PRKD1: variants seen among roughly 807,000 people sequenced by gnomAD.
PRKD1 encodes the protein serine/threonine-protein kinase D1.
PRKD1 carries 63 observed loss-of-function variants against 95.9 expected under a neutral mutation model. That is an observed-to-expected ratio of 0.66 (90% CI 0.54 to 0.81). The LOEUF is 0.81. Among genes scored for constraint, PRKD1 ranks in the 30% least tolerant of loss-of-function variants. The pLI, the probability that PRKD1 is intolerant of heterozygous loss-of-function variation, is 0.00. For synonymous variants in PRKD1, 425 were observed against 423.1 expected (o/e 1.00, Z -0.05); for missense variants, 1,048 against 1,165.3 (o/e 0.90, Z 1.47).
intron 1 of PRKD1, among the ~76,000 whole-genome samples, chr14:29,901,182 T>C (rs1340012271): frequency 1.3e-5 from 2 of 152,194 alleles, no homozygotes; most frequent in African/African-American, 4.8e-5. Context: ...ATCATGTCCT[T>C]TGCAGCAACA....
rs757731395 is a variant in PRKD1 at position 29,576,841 on chromosome 14, GTT to G, written c.*395_*396del. On this transcript the variant is annotated 3_prime_UTR_variant, in exon 18 of 18. Coordinates refer to ENST00000331968, the MANE Select transcript of PRKD1 (RefSeq NM_002742.3). The stretch of plus-strand genomic sequence containing the variant: ...ACTGGAAATAATCGACTCTTCAAGA[GTT>G]TGTTTACAATGACAACACCAATGGG... The G allele has an allele frequency of 1.1e-4, 26 of 226,694 alleles. No individual in the cohort carries two copies. The highest frequency in any genetic ancestry group is 2.1e-4 in the Non-Finnish European group (24 of 111,654). 14.0% of individuals were successfully genotyped at this position (226,694 alleles called of 1,614,324 possible).
At chr14:29,734,835 GT>G (rs1174920623) in intron 1 of PRKD1, among the ~76,000 whole-genome samples, 3 of 152,076 alleles carry the variant, frequency 2.0e-5, no homozygotes, top group African/African-American at 7.2e-5. Context: ...CCAAAATCCT[GT>G]TGGCTTGGCC....
At chr14:29,647,581 A>T (rs540036556) in intron 4 of PRKD1, among the ~76,000 whole-genome samples, 46 of 152,340 alleles carry the variant, frequency 3.0e-4, no homozygotes, top group Middle Eastern at 3.4e-3. Flanking sequence ...GCCTGGGTTT[A>T]TGGTCTCACT....
chr14:29,913,617 T>A (rs937331091), intron 1 of PRKD1, among the ~76,000 whole-genome samples: 1 of 152,230 alleles, frequency 6.6e-6, no homozygotes, highest in Non-Finnish European at 1.5e-5. Flanking sequence ...ACTGGGTTTA[T>A]GTAAATATTG....
rs373437919 is a variant in PRKD1, at chr14:29,662,977, G to A, written c.696+722C>T. 8.1e-5 allele frequency among the ~76,000 whole-genome samples: 12 copies of A among 148,786 alleles called. No individual in the cohort carries two copies. In the East Asian group the frequency reaches 2.1e-3, roughly 27 times the overall value. On this transcript the variant is annotated intron_variant, in intron 4 of 17. Transcript: ENST00000331968. ...ATTACCACAATTTTTATTTTGTTTC[G>A]AATGTTTGGAAAATCCAAATTTAAC... is the stretch of plus-strand genomic sequence containing the variant.
chr14:29,878,990 A>C (rs1009058951), intron 1 of PRKD1, among the ~76,000 whole-genome samples: 10 of 152,192 alleles, frequency 6.6e-5, no homozygotes, highest in Non-Finnish European at 1.5e-4. Flanking sequence ...CCACAGTATA[A>C]TTCTTGCTAC....
intron 4 of PRKD1, among the ~76,000 whole-genome samples, chr14:29,649,371 GTC>G (rs1881345272): frequency 6.6e-6 from 1 of 151,718 alleles, no homozygotes; most frequent in East Asian, 1.9e-4. Flanking sequence ...CTTTCCTTTT[GTC>G]TCTGTGTTTG....
intron 2 of PRKD1, among the ~76,000 whole-genome samples, chr14:29,675,983 G>A (rs1390351793): frequency 8.9e-6 from 1 of 112,526 alleles, no homozygotes; most frequent in African/African-American, 3.3e-5. Context: ...CTGTCGTGGG[G>A]TGGGGGGTGG....
chr14:29,611,732 G>A (rs1878480385), intron 13 of PRKD1, among the ~76,000 whole-genome samples: 1 of 130,908 alleles, frequency 7.6e-6, no homozygotes, highest in African/African-American at 2.7e-5. Context: ...AATATTAAAA[G>A]TGTGAATTAT....
chr14:29,809,106 T>C (rs1258242560), intron 1 of PRKD1, among the ~76,000 whole-genome samples: 1 of 152,212 alleles, frequency 6.6e-6, no homozygotes, highest in Non-Finnish European at 1.5e-5. Context: ...ACCAGGTGCA[T>C]TGTCAACGAA....
intron 1 of PRKD1, among the ~76,000 whole-genome samples, chr14:29,770,951 AG>A (rs1426037462): frequency 5.6e-4 from 82 of 146,734 alleles, no homozygotes; most frequent in African/African-American, 2.0e-3. Context: ...AAAAAAAAAA[AG>A]GAAAGAAAGA....
intron 4 of PRKD1, among the ~76,000 whole-genome samples, chr14:29,652,442 T>C (rs1166637693): frequency 2.0e-5 from 3 of 152,166 alleles, no homozygotes; most frequent in East Asian, 3.9e-4. Flanking sequence ...AATGGACATA[T>C]ATGATAAGCC....
intron 1 of PRKD1, among the ~76,000 whole-genome samples, chr14:29,908,307 T>C (rs1197247423): frequency 2.6e-5 from 4 of 152,236 alleles, no homozygotes; most frequent in Non-Finnish European, 4.4e-5. Context: ...CAGTAATCTT[T>C]TTTTCTTGAG....
At chr14:29,628,998 G>A (rs900669339) in intron 11 of PRKD1, 43 bp downstream of exon 11, 4 of 1,325,024 alleles carry the variant, frequency 3.0e-6, no homozygotes, top group Non-Finnish European at 4.1e-6. Flanking sequence ...TTATTTTCCA[G>A]TAATCACATT....
chr14:29,855,617 A>G (rs1892469041), intron 1 of PRKD1, among the ~76,000 whole-genome samples: 1 of 152,180 alleles, frequency 6.6e-6, no homozygotes, highest in African/African-American at 2.4e-5. Context: ...TGAAGACAGG[A>G]GATTTGGGAG....
Position 29,665,158 on chromosome 14 carries a change from G to A in PRKD1, c.535+919C>T, listed in dbSNP as rs552614253. Among the ~76,000 whole-genome samples the A allele has an allele frequency of 4.6e-5, 7 of 152,274 alleles. No homozygotes were observed. The South Asian group carries it at 1.0e-3, about 23-fold the overall frequency. ...CCCCTAAATGCCTGGAAGATACTTC[G>A]GGGAGATACTGCTACACTATTGTAG... is the stretch of plus-strand genomic sequence containing the variant. On this transcript the variant is annotated intron_variant, in intron 3 of 17. Coordinates refer to ENST00000331968, the MANE Select transcript of PRKD1 (RefSeq NM_002742.3).
intron 1 of PRKD1, among the ~76,000 whole-genome samples, chr14:29,831,556 T>C (rs2139295795): frequency 6.7e-6 from 1 of 148,308 alleles, no homozygotes; most frequent in Non-Finnish European, 1.5e-5. Flanking sequence ...GCAACCTCCA[T>C]CTCCCAGGTT....
intron 1 of PRKD1, among the ~76,000 whole-genome samples, chr14:29,754,362 T>C (rs889951046): frequency 2.6e-5 from 4 of 152,196 alleles, no homozygotes; most frequent in African/African-American, 9.6e-5. Context: ...ATCAATTATG[T>C]ATTTTATAAT....
intron 1 of PRKD1, among the ~76,000 whole-genome samples, chr14:29,836,650 C>A (rs1891622484): frequency 6.6e-6 from 1 of 152,114 alleles, no homozygotes; most frequent in Admixed American, 6.5e-5. Context: ...CAAAAGTTTG[C>A]CAACACCTCC....
Sources: gnomAD v4.1 joint callset for allele counts (sites outside exome capture counted in the v4.1 genomes callset) on GRCh38, gnomAD v4.1.1 for gene constraint, MANE v1.5 for transcripts, NCBI Gene and HGNC (gene_info 2026-07-23, HGNC 2026-07-21) for gene names.